RPL41: variants seen among roughly 807,000 people sequenced by gnomAD.
RPL41 encodes the protein ribosomal protein L41.
In RPL41, 3 loss-of-function variants were observed where a neutral mutation model predicts 7.3. The observed-to-expected ratio is 0.41, with a 90% CI of 0.19 to 1.06. The LOEUF is 1.06. Among genes scored for constraint, RPL41 ranks in the 50% least tolerant of loss-of-function variants. The pLI is 0.32. For synonymous variants in RPL41, 9 were observed against 7.4 expected, an observed-to-expected ratio of 1.21 and a Z score of -0.34; for missense variants, 13 against 30.4, an observed-to-expected ratio of 0.43 and a Z score of 1.35.
chr12:56,117,038 AGTT>A, intron 1 of RPL41, 148 bp from the exon 2 acceptor site: 1 of 1,192,678 alleles, frequency 8.4e-7, no homozygotes, highest in Admixed American at 2.7e-5. Flanking sequence ...TTACTGATGT[AGTT>A]GTTACGACCA....
At position 56,117,647 on chromosome 12, in the gene RPL41, G is replaced by C; in HGVS notation, c.*123G>C. The stretch of plus-strand genomic sequence containing the variant: ...TCTAGAGCTTGTCTCAATGGATCTA[G>C]AACTTCATCGCCCTCTGATCGCCGA... On this transcript the variant is annotated 3_prime_UTR_variant, in exon 3 of 3. Transcript: ENST00000546591. 1.3e-6 allele frequency: 1 copy of C among 774,740 alleles called. No individual in the cohort carries two copies. Among genetic ancestry groups the C allele is most frequent in the Non-Finnish European group, 2.2e-6 (1 of 454,746 alleles). The allele number at this position is 774,740 out of a possible 1,614,324, so 48.0% of individuals were successfully genotyped here. A position where few individuals can be genotyped will look rare whatever the true frequency, so the allele number is the denominator to read the frequency against.
intron 2 of RPL41, 24 bp from the exon 3 acceptor site, chr12:56,117,458 T>G: frequency 6.4e-7 from 1 of 1,552,764 alleles, no homozygotes; most frequent in Non-Finnish European, 8.7e-7. Flanking sequence ...TGAGGTGTAT[T>G]CCATTCCTGT....
At position 56,117,492 on chromosome 12, in the gene RPL41, A is replaced by C; in HGVS notation, c.46A>C (p.Lys16Gln). 6.4e-7 allele frequency: 1 copy of C among 1,553,376 alleles called. No individual in the cohort carries two copies. The highest frequency in any genetic ancestry group is 8.7e-7 in the Non-Finnish European group (1 of 1,147,870). The change falls in exon 3 of 3, where the codon AAA (lysine) becomes CAA (glutamine). Residue 16 changes from lysine to glutamine, a missense_variant. Physicochemically the swap from Lys to Gln is moderately conservative, Grantham distance 53 (BLOSUM62 1). Coordinates refer to ENST00000546591, the MANE Select transcript of RPL41 (RefSeq NM_001035267.2). ...RKKRMRRLKR[K>Q]RRKMRQRSK is the part of the protein sequence containing the mutation. ...GTGTCTGCTTTTCAGGCTGAAGCGC[A>C]AAAGAAGAAAGATGAGGCAGAGGTC...
Position 56,117,894 on chromosome 12 carries a change from C to T in RPL41, c.*370C>T, listed in dbSNP as rs999627940. ...GGGGTTTTCTGTCATTAGAGTTTGCCCTGTCACTACCTGTGCTATGGAGGG... is the reference window on the plus strand; with the variant it reads ...GGGGTTTTCTGTCATTAGAGTTTGCTCTGTCACTACCTGTGCTATGGAGGG... On this transcript the variant is annotated 3_prime_UTR_variant, in exon 3 of 3. Transcript: ENST00000546591. 1 of 351,044 alleles carries T rather than the reference C, an allele frequency of 2.8e-6. No individual in the cohort carries two copies. Among genetic ancestry groups the T allele is most frequent in the African/African-American group, 2.1e-5 (1 of 46,684 alleles). The allele number at this position is 351,044 out of a possible 1,614,324, so 21.7% of individuals were successfully genotyped here.
chr12:56,117,251 C>T, intron 2 of RPL41, 40 bp downstream of exon 2: 3 of 1,583,696 alleles, frequency 1.9e-6, no homozygotes, highest in Non-Finnish European at 1.7e-6. Context: ...AGGGAAGTTC[C>T]TTGGACAAAA....
chr12:56,116,819 A>G lies in RPL41; in HGVS notation c.12+20A>G, dbSNP rs1270379331. ...GCCAAGGTGAGCGGTTCCTGGTAGT[A>G]AGCTTGGGAGGTAGGAGTTGGCGAG... On this transcript the variant is annotated intron_variant, in intron 1 of 2. Transcript: ENST00000546591. The G allele has an allele frequency of 6.2e-7, 1 of 1,613,882 alleles. No homozygotes were observed. The highest frequency in any genetic ancestry group is 8.5e-7 in the Non-Finnish European group (1 of 1,179,882).
In RPL41 at chr12:56,116,676, T is replaced by A. The variant is rs934783954; in HGVS notation, c.-112T>A. On this transcript the variant is annotated 5_prime_UTR_variant, in exon 1 of 3. Coordinates refer to ENST00000546591, the MANE Select transcript of RPL41 (RefSeq NM_001035267.2). ...TTTTTTTGGGTGAGTGTTTTTTGGT[T>A]CCTGCGTTGGGATTCCGTGTACAAT... 3.0e-6 allele frequency: 4 copies of A among 1,340,634 alleles called. No homozygotes were observed. The highest frequency in any genetic ancestry group is 4.3e-6 in the Non-Finnish European group (4 of 933,314). 83.0% of individuals were successfully genotyped at this position (1,340,634 alleles called of 1,614,324 possible). A position where few individuals can be genotyped will look rare whatever the true frequency, so the allele number is the denominator to read the frequency against.
rs1297505043 is a variant in RPL41 at position 56,117,464 on chromosome 12, C to T, written c.36-18C>T. ...ACTCTGGTTTGAGGTGTATTCCATT[C>T]CTGTGTCTGCTTTTCAGGCTGAAGC... On this transcript the variant is annotated intron_variant, in intron 2 of 2. Transcript: ENST00000546591. 10 of 1,552,930 alleles carry T rather than the reference C, an allele frequency of 6.4e-6. No homozygotes were observed. The South Asian group carries it at 1.1e-4, about 17-fold the overall frequency.
At chr12:56,117,042 G>A in intron 1 of RPL41, 147 bp from the exon 2 acceptor site, 1 of 1,257,454 alleles carries the variant, frequency 8.0e-7, no homozygotes, top group Non-Finnish European at 1.1e-6. Context: ...TGATGTAGTT[G>A]TTACGACCAA....
At position 56,117,065 on chromosome 12, in the gene RPL41, C is replaced by A. The variant is rs1869630484; in HGVS notation, c.13-124C>A. On this transcript the variant is annotated intron_variant, in intron 1 of 2. Transcript: ENST00000546591. ...TTGTTACGACCAATCTTTCATACTT[C>A]TTGGTTAAGAATCTGTCCGGTTCTA... 4.4e-6 allele frequency: 6 copies of A among 1,360,584 alleles called. 1 individual carries two copies. In the South Asian group the frequency reaches 8.6e-5, roughly 20 times the overall value. The allele number at this position is 1,360,584 out of a possible 1,614,324, so 84.3% of individuals were successfully genotyped here.
rs1565867153 is a variant in RPL41 at position 56,116,875 on chromosome 12, A to G, written c.12+76A>G. The G allele has an allele frequency of 5.8e-6, 9 of 1,559,220 alleles. No individual in the cohort carries two copies. In the East Asian group the frequency reaches 1.1e-4, roughly 19 times the overall value. ...GCGAGGAGACGAAGGCAAGTCCGCC[A>G]TACCTCCTGAACTACTGGGTTTCAA... On this transcript the variant is annotated intron_variant, in intron 1 of 2. Coordinates refer to ENST00000546591, the MANE Select transcript of RPL41 (RefSeq NM_001035267.2).
rs1869669176 is a variant in RPL41 at position 56,117,813 on chromosome 12, T to G, written c.*289T>G. 2.3e-6 allele frequency: 1 copy of G among 441,322 alleles called. No homozygotes were observed. The highest frequency in any genetic ancestry group is 4.2e-6 in the Non-Finnish European group (1 of 236,076). The allele number at this position is 441,322 out of a possible 1,614,324, so 27.3% of individuals were successfully genotyped here. Reference sequence around the variant, plus strand: ...ATAATAAATCACCTCTTCCGCTGTTTTAGCTGAAGAATTAAATCATCTTGT... The same window carrying G: ...ATAATAAATCACCTCTTCCGCTGTTGTAGCTGAAGAATTAAATCATCTTGT... On this transcript the variant is annotated 3_prime_UTR_variant, in exon 3 of 3. Coordinates refer to ENST00000546591, the MANE Select transcript of RPL41 (RefSeq NM_001035267.2).
At position 56,116,663 on chromosome 12, in the gene RPL41, A is replaced by G. The variant is rs561662416; in HGVS notation, c.-125A>G. 282 of 1,176,054 alleles carry G rather than the reference A, an allele frequency of 2.4e-4. No homozygotes were observed. The highest frequency in any genetic ancestry group is 3.4e-4 in the Non-Finnish European group (264 of 786,698). The allele number at this position is 1,176,054 out of a possible 1,614,324, so 72.9% of individuals were successfully genotyped here. On this transcript the variant is annotated 5_prime_UTR_variant, in exon 1 of 3. Transcript: ENST00000546591. ...GGCCTTAGCGCCATTTTTTTGGGTG[A>G]GTGTTTTTTGGTTCCTGCGTTGGGA...
In RPL41 at chr12:56,116,830, G is replaced by A; in HGVS notation, c.12+31G>A. The A allele has an allele frequency of 1.9e-6, 3 of 1,613,892 alleles. No individual in the cohort carries two copies. The South Asian group carries it at 3.3e-5, about 18-fold the overall frequency. ...CGGTTCCTGGTAGTAAGCTTGGGAG[G>A]TAGGAGTTGGCGAGTAGTAGCGAGG... On this transcript the variant is annotated intron_variant, in intron 1 of 2. Coordinates refer to ENST00000546591, the MANE Select transcript of RPL41 (RefSeq NM_001035267.2).
In RPL41 at chr12:56,117,748, A is replaced by G. The variant is rs1344831934; in HGVS notation, c.*224A>G. Reference sequence around the variant, plus strand: ...CTGCCCTGGACCTGTGACATTCTGGACTATTTCTGTGTTTATTTGTGGCCG... The same window carrying G: ...CTGCCCTGGACCTGTGACATTCTGGGCTATTTCTGTGTTTATTTGTGGCCG... On this transcript the variant is annotated 3_prime_UTR_variant, in exon 3 of 3. Transcript: ENST00000546591. The G allele has an allele frequency of 5.4e-6, 3 of 558,762 alleles. No homozygotes were observed. Among genetic ancestry groups the G allele is most frequent in the African/African-American group, 1.9e-5 (1 of 52,878 alleles). The allele number at this position is 558,762 out of a possible 1,614,324, so 34.6% of individuals were successfully genotyped here. A position where few individuals can be genotyped will look rare whatever the true frequency, so the allele number is the denominator to read the frequency against.
rs767730886 is a variant in RPL41, at chr12:56,116,839, GGCGAGTAGTA to G, written c.12+46_12+55del. 2.3e-5 allele frequency: 37 copies of G among 1,613,658 alleles called. 1 individual carries two copies. In the South Asian group the frequency reaches 4.0e-4, roughly 17 times the overall value. ...GTAGTAAGCTTGGGAGGTAGGAGTTGGCGAGTAGTAGCGAGGAGACGAAGGCAAGTCCGCC... is the reference window on the plus strand; with the variant it reads ...GTAGTAAGCTTGGGAGGTAGGAGTTGGCGAGGAGACGAAGGCAAGTCCGCC... On this transcript the variant is annotated intron_variant, in intron 1 of 2. Coordinates refer to ENST00000546591, the MANE Select transcript of RPL41 (RefSeq NM_001035267.2).
chr12:56,116,710 A>T lies in RPL41; in HGVS notation c.-78A>T. 1 of 1,545,522 alleles carries T rather than the reference A, an allele frequency of 6.5e-7. No homozygotes were observed. Among genetic ancestry groups the T allele is most frequent in the Non-Finnish European group, 8.9e-7 (1 of 1,117,496 alleles). ...GGGATTCCGTGTACAATCCATAGACATCTGACCTCGGCACTTAGCATCATC... is the reference window on the plus strand; with the variant it reads ...GGGATTCCGTGTACAATCCATAGACTTCTGACCTCGGCACTTAGCATCATC... On this transcript the variant is annotated 5_prime_UTR_variant, in exon 1 of 3. Transcript: ENST00000546591.
intron 1 of RPL41, 94 bp from the exon 2 acceptor site, chr12:56,117,095 G>C: frequency 6.8e-7 from 1 of 1,474,566 alleles, no homozygotes; most frequent in Non-Finnish European, 9.1e-7. Context: ...GTTCTAAAGA[G>C]TGCATTTCAT....
At chr12:56,117,369 C>CGTA (rs1250246995) in intron 2 of RPL41, 113 bp from the exon 3 acceptor site, 3 of 1,403,970 alleles carry the variant, frequency 2.1e-6, no homozygotes, top group Non-Finnish European at 3.0e-6. Flanking sequence ...ACGATAGAAC[C>CGTA]GTAGTGCTTG....
Sources: gnomAD v4.1 joint callset for allele counts on GRCh38, gnomAD v4.1.1 for gene constraint, MANE v1.5 for transcripts, NCBI Gene and HGNC (gene_info 2026-07-23, HGNC 2026-07-21) for gene names.